PRDM9: variants seen among roughly 807,000 people sequenced by gnomAD.
PRDM9 encodes histone-lysine N-methyltransferase PRDM9.
In PRDM9, 47 loss-of-function variants were observed where a neutral mutation model predicts 55.6. That is an observed-to-expected ratio of 0.85 (90% CI 0.67 to 1.08). The LOEUF is 1.08. Among genes scored for constraint, PRDM9 ranks in the 50% least tolerant of loss-of-function variants. The pLI is 0.00. For missense variants in PRDM9, 867 were observed against 1,040.3 expected (o/e 0.83, Z 2.29); for synonymous variants, 312 against 375.7 (o/e 0.83, Z 1.96).
chr5:23,514,966 CTT>C (rs35577341), intron 4 of PRDM9, among the ~76,000 whole-genome samples: 17 of 142,220 alleles, frequency 1.2e-4, no homozygotes, highest in Admixed American at 1.4e-4. Context: ...AATATTAACT[CTT>C]TTTTTTTTTT....
At chr5:23,521,817 A>AAATAT (rs1739332953) in intron 6 of PRDM9, among the ~76,000 whole-genome samples, 1 of 152,212 alleles carries the variant, frequency 6.6e-6, no homozygotes, top group Non-Finnish European at 1.5e-5. Context: ...TGAAAGCATT[A>AAATAT]AATTAAATAT....
At chr5:23,519,761 G>A (rs1202164516) in intron 5 of PRDM9, among the ~76,000 whole-genome samples, 1 of 151,894 alleles carries the variant, frequency 6.6e-6, no homozygotes, top group Non-Finnish European at 1.5e-5. Context: ...TTAAGAATTA[G>A]CGCCAGGGGC....
chr5:23,509,616 G>A (rs1335491403), intron 3 of PRDM9, 23 bp downstream of exon 3: 5 of 1,614,034 alleles, frequency 3.1e-6, no homozygotes, highest in Non-Finnish European at 4.2e-6. Flanking sequence ...GCTGGGCACA[G>A]ACCAGCCTGG....
chr5:23,525,611 G>C (rs148636711), intron 10 of PRDM9, among the ~76,000 whole-genome samples: 1 of 152,268 alleles, frequency 6.6e-6, no homozygotes, highest in East Asian at 1.9e-4. Flanking sequence ...CCCACTTCCT[G>C]ATGGAGAACC....
At chr5:23,516,654 G>A (rs1341863269) in intron 4 of PRDM9, among the ~76,000 whole-genome samples, 1 of 151,468 alleles carries the variant, frequency 6.6e-6, no homozygotes, top group African/African-American at 2.4e-5. Flanking sequence ...TTACAGGCGT[G>A]AGCCACCATG....
intron 4 of PRDM9, among the ~76,000 whole-genome samples, chr5:23,515,383 T>C (rs1040926324): frequency 1.3e-5 from 2 of 152,216 alleles, no homozygotes; most frequent in African/African-American, 2.4e-5. Flanking sequence ...AGCTGAACTA[T>C]AGTCATGTGC....
intron 4 of PRDM9, among the ~76,000 whole-genome samples, chr5:23,517,280 T>G (rs1230874458): frequency 6.6e-6 from 1 of 152,110 alleles, no homozygotes; most frequent in East Asian, 1.9e-4. Flanking sequence ...TTTTAAAAAT[T>G]AATGTACTAG....
At chr5:23,521,201 G>T in intron 6 of PRDM9, 22 bp downstream of exon 6, 1 of 1,611,776 alleles carries the variant, frequency 6.2e-7, no homozygotes, top group Non-Finnish European at 8.5e-7. Context: ...TATTTGCGGG[G>T]ACTTTAGTCC....
intron 5 of PRDM9, among the ~76,000 whole-genome samples, chr5:23,518,340 T>C (rs1167741538): frequency 6.6e-6 from 1 of 152,198 alleles, no homozygotes; most frequent in East Asian, 1.9e-4. Flanking sequence ...CTAAAGCACT[T>C]ACAAGATCAT....
In PRDM9 at chr5:23,522,805, C is replaced by T. The variant is rs1739358678; in HGVS notation, c.802C>T (p.Pro268Ser). 1 of 1,614,114 alleles carries T rather than the reference C, an allele frequency of 6.2e-7. No individual in the cohort carries two copies. The highest frequency in any genetic ancestry group is 1.1e-5 in the South Asian group (1 of 91,092). Residue 268 changes from proline (P) to serine (S), a missense_variant, in exon 8 of 11, where the codon CCG becomes TCG. Physicochemically the swap from Pro to Ser is moderately conservative, Grantham distance 74. Around this residue, in one of 5 missense-constraint regions of PRDM9, gnomAD observed 662 missense variants for 711.9 expected, o/e 0.93. Transcript: ENST00000296682. ...LGVWNEASDL[P>S]LGLHFGPYEG... The stretch of plus-strand genomic sequence containing the variant: ...AGTATGGAATGAGGCATCTGATCTG[C>T]CGCTGGGTCTGCACTTTGGCCCTTA...
At chr5:23,517,813 A>G in intron 4 of PRDM9, 68 bp from the exon 5 acceptor site, 1 of 1,391,418 alleles carries the variant, frequency 7.2e-7, no homozygotes, top group Non-Finnish European at 1.0e-6. Flanking sequence ...AATAAAAAAT[A>G]GAAGAGAGAA....
chr5:23,526,700 G>A lies in PRDM9; in HGVS notation c.1612G>A (p.Asp538Asn), dbSNP rs761622248. The A allele has an allele frequency of 6.2e-7, 1 of 1,614,260 alleles. No homozygotes were observed. The highest frequency in any genetic ancestry group is 1.1e-5 in the South Asian group (1 of 91,088). ...TGGACAAGGTTTCAGTGTTAAATCAGATGTTATTACACACCAAAGGACACA... is the reference window on the plus strand; with the variant it reads ...TGGACAAGGTTTCAGTGTTAAATCAAATGTTATTACACACCAAAGGACACA... The part of the protein sequence containing the change: ...ECGQGFSVKS[D>N]VITHQRTHTG... The change falls in exon 11 of 11, where the codon GAT becomes AAT. Residue 538 changes from aspartate to asparagine, a missense_variant. Asp to Asn is a conservative substitution (Grantham distance 23, BLOSUM62 1). Transcript: ENST00000296682.
At chr5:23,514,110 A>G (rs1165168246) in intron 4 of PRDM9, among the ~76,000 whole-genome samples, 16 of 152,156 alleles carry the variant, frequency 1.1e-4, no homozygotes, top group Admixed American at 2.0e-4. Flanking sequence ...CCTGATGATT[A>G]GTGATGTTAA....
At chr5:23,524,707 T>C (rs1739398785) in intron 10 of PRDM9, among the ~76,000 whole-genome samples, 180 bp downstream of exon 10, 1 of 152,226 alleles carries the variant, frequency 6.6e-6, no homozygotes, top group Non-Finnish European at 1.5e-5. Context: ...ACAATTTTCA[T>C]ATTTTTAAAT....
chr5:23,527,922 A>G lies in PRDM9; in HGVS notation c.*149A>G. 2 of 1,044,474 alleles carry G rather than the reference A, an allele frequency of 1.9e-6. No individual in the cohort carries two copies. Among genetic ancestry groups the G allele is most frequent in the Non-Finnish European group, 2.8e-6 (2 of 702,336 alleles). The allele number at this position is 1,044,474 out of a possible 1,614,324, so 64.7% of individuals were successfully genotyped here. On this transcript the variant is annotated 3_prime_UTR_variant, in exon 11 of 11. Transcript: ENST00000296682. Reference sequence around the variant, plus strand: ...AGTATAAAGAGATCGGAAATAACTGATTAAACAAATCCGCCACTTTCATGA... The same window carrying G: ...AGTATAAAGAGATCGGAAATAACTGGTTAAACAAATCCGCCACTTTCATGA...
At chr5:23,523,025 C>A (rs1739365325) in intron 8 of PRDM9, 140 bp downstream of exon 8, 2 of 1,455,296 alleles carry the variant, frequency 1.4e-6, no homozygotes, top group African/African-American at 1.4e-5. Flanking sequence ...TTTGCATGAA[C>A]ACGGAACTCC....
At position 23,521,018 on chromosome 5, in the gene PRDM9, T is replaced by G. The variant is rs1561019954; in HGVS notation, c.352-5T>G. ...GTCTTTTAATATGTGACTCTCACAT[T>G]AAAGGGAATGCCCAAGGCGTCATTC... is the stretch of plus-strand genomic sequence containing the variant. On this transcript the variant is annotated splice_polypyrimidine_tract_variant and splice_region_variant and intron_variant, in intron 5 of 10. Transcript: ENST00000296682. 6.2e-7 allele frequency: 1 copy of G among 1,614,054 alleles called. No individual in the cohort carries two copies. The highest frequency in any genetic ancestry group is 1.3e-5 in the African/African-American group (1 of 75,050).
rs193211869 is a variant in PRDM9 at position 23,524,407 on chromosome 5, A to G, written c.1024A>G (p.Arg342Gly). The G allele has an allele frequency of 3.1e-3, 5,020 of 1,614,048 alleles. 17 individuals are homozygous for G. Among genetic ancestry groups the G allele is most frequent in the Non-Finnish European group, 3.6e-3 (4,255 of 1,179,918 alleles). The change falls in exon 10 of 11, where the codon AGA becomes GGA. Residue 342 changes from arginine (R) to glycine (G), a missense_variant. By Grantham distance (125) the Arg-to-Gly change is moderately radical (BLOSUM62 -2). Coordinates refer to ENST00000296682, the MANE Select transcript of PRDM9 (RefSeq NM_020227.4). ...AFQYHRQIFY[R>G]TCRVIRPGCE... ...CCAGTACCACAGGCAGATCTTCTAT[A>G]GAACCTGCCGAGTCATTAGGCCAGG...
intron 2 of PRDM9, 66 bp downstream of exon 2, chr5:23,509,168 C>T (rs371961257): frequency 1.3e-6 from 2 of 1,591,654 alleles, no homozygotes; most frequent in African/African-American, 1.3e-5. Context: ...CTGCAGACTC[C>T]TGGCCTGTAC....
Sources: gnomAD v4.1 joint callset for allele counts (sites outside exome capture counted in the v4.1 genomes callset) on GRCh38, gnomAD v4.1.1 for gene constraint, gnomAD v4.1.1 regional missense constraint, MANE v1.5 for transcripts, NCBI Gene and HGNC (gene_info 2026-07-23, HGNC 2026-07-21) for gene names.